LEF1: variants seen among roughly 807,000 people sequenced by gnomAD.
The protein encoded by LEF1 is lymphoid enhancer binding factor 1, also known as lymphoid enhancer-binding factor 1.
LEF1 carries 14 observed loss-of-function variants against 51.2 expected under a neutral mutation model. The ratio of observed to expected loss-of-function variants is 0.27; its 90% CI spans 0.18 to 0.43. The LOEUF is 0.43. LEF1 is among the 20% of genes least tolerant of loss of function. The pLI is 1.00. For missense variants in LEF1, 386 were observed against 512.0 expected (o/e 0.75, Z 2.37); for synonymous variants, 185 against 183.2 (o/e 1.01, Z -0.08).
In LEF1 at chr4:108,168,064, C is replaced by T. The variant is rs1377875981; in HGVS notation, c.-297G>A. 2.5e-5 allele frequency: 4 copies of T among 156,924 alleles called. No individual in the cohort carries two copies. Among genetic ancestry groups the T allele is most frequent in the Admixed American group, 6.5e-5 (1 of 15,470 alleles). The allele number at this position is 156,924 out of a possible 1,614,324, so 9.7% of individuals were successfully genotyped here. A position where few individuals can be genotyped will look rare whatever the true frequency, so the allele number is the denominator to read the frequency against. ...CGAGGGCTGCGGTAGCTGGCGACTC[C>T]GGGGGCGTCTGCGCGGCGCGCGCTA... On this transcript the variant is annotated 5_prime_UTR_variant, in exon 1 of 12. Transcript: ENST00000265165. This position sits in a 1 kb window ranked among gnomAD's most constrained non-coding sequence, Gnocchi z 4.6.
chr4:108,121,257 A>G (rs1382931389), intron 3 of LEF1, among the ~76,000 whole-genome samples: 1 of 152,232 alleles, frequency 6.6e-6, no homozygotes, highest in African/African-American at 2.4e-5. Context: ...GATTTGTGCT[A>G]AGTGATGAGC....
At chr4:108,097,920 G>A (rs775003159) in intron 3 of LEF1, among the ~76,000 whole-genome samples, 1 of 152,138 alleles carries the variant, frequency 6.6e-6, no homozygotes. Flanking sequence ...GAGAAGTCAG[G>A]AGCAAAAGCT....
rs749791729 is a variant in LEF1, at chr4:108,063,608, G to C, written c.*6+15C>G. On this transcript the variant is annotated intron_variant, in intron 11 of 11. Transcript: ENST00000265165. ...ACAACTAACGTCAGCAGTAGGACCAGAGAGTCGTTCTTACCATGTTTCAGA... is the reference window on the plus strand; with the variant it reads ...ACAACTAACGTCAGCAGTAGGACCACAGAGTCGTTCTTACCATGTTTCAGA... 4 of 1,586,990 alleles carry C rather than the reference G, an allele frequency of 2.5e-6. No homozygotes were observed. In the South Asian group the frequency reaches 3.5e-5, roughly 14 times the overall value.
chr4:108,142,586 T>C (rs1009894330), intron 3 of LEF1, among the ~76,000 whole-genome samples: 2 of 152,234 alleles, frequency 1.3e-5, no homozygotes, highest in Non-Finnish European at 2.9e-5. Context: ...GTGTAATTCA[T>C]CCATTATTAC....
At chr4:108,166,166 T>G in intron 1 of LEF1, 1 of 1,161,718 alleles carries the variant, frequency 8.6e-7, no homozygotes, top group Non-Finnish European at 1.2e-6. Flanking sequence ...CGGGGTTAGG[T>G]GCACCCTACC....
chr4:108,118,449 A>G (rs1158763619), intron 3 of LEF1, among the ~76,000 whole-genome samples: 1 of 152,238 alleles, frequency 6.6e-6, no homozygotes, highest in Non-Finnish European at 1.5e-5. Context: ...TTGTCATGCT[A>G]TAGTTAAACT....
At chr4:108,143,273 G>A (rs1377921010) in intron 3 of LEF1, among the ~76,000 whole-genome samples, 2 of 152,188 alleles carry the variant, frequency 1.3e-5, no homozygotes, top group Admixed American at 6.5e-5. Context: ...TTTTGCTTTA[G>A]AGGAAAGGGT....
At chr4:108,135,278 T>C (rs1743186154) in intron 3 of LEF1, among the ~76,000 whole-genome samples, 1 of 152,198 alleles carries the variant, frequency 6.6e-6, no homozygotes, top group Non-Finnish European at 1.5e-5. Context: ...TCTGAAGCAC[T>C]GAGTGTACTT....
At chr4:108,071,567 T>C (rs1241502901) in intron 8 of LEF1, 1 of 152,222 alleles carries the variant, frequency 6.6e-6, no homozygotes, top group Non-Finnish European at 1.5e-5. Context: ...ATATAGCACA[T>C]ATAACAAAGT....
intron 3 of LEF1, among the ~76,000 whole-genome samples, chr4:108,122,315 TC>T (rs1456624703): frequency 1.3e-5 from 2 of 152,190 alleles, no homozygotes; most frequent in Non-Finnish European, 2.9e-5. Context: ...TCTTCCTTTA[TC>T]TGTTATTATC....
intron 2 of LEF1, among the ~76,000 whole-genome samples, chr4:108,164,036 T>C (rs1403257902): frequency 6.6e-6 from 1 of 152,106 alleles, no homozygotes; most frequent in Admixed American, 6.5e-5. Flanking sequence ...ACACACAACT[T>C]TAAAAATGTA....
intron 3 of LEF1, among the ~76,000 whole-genome samples, chr4:108,101,974 C>T (rs1740854928): frequency 1.3e-5 from 2 of 151,080 alleles, no homozygotes; most frequent in Admixed American, 6.6e-5. Flanking sequence ...GCAGGAGAAT[C>T]ACTTGAACCC....
intron 3 of LEF1, among the ~76,000 whole-genome samples, chr4:108,094,266 T>C (rs1578335366): frequency 6.6e-6 from 1 of 152,334 alleles, no homozygotes; most frequent in East Asian, 1.9e-4. Flanking sequence ...TGGGTAAAGC[T>C]ACGGAGACTC....
chr4:108,051,260 T>TAA (rs879760862), intron 11 of LEF1, among the ~76,000 whole-genome samples: 1 of 144,904 alleles, frequency 6.9e-6, no homozygotes, highest in African/African-American at 2.5e-5. Flanking sequence ...GACTAGTGCT[T>TAA]AAAAAAAAAA....
At chr4:108,065,453 C>G (rs575080401) in intron 9 of LEF1, among the ~76,000 whole-genome samples, 1 of 152,210 alleles carries the variant, frequency 6.6e-6, no homozygotes, top group East Asian at 1.9e-4. Flanking sequence ...CACTGGGCCA[C>G]AGAGTGAGCC....
chr4:108,149,131 T>C (rs1744175889), intron 3 of LEF1, among the ~76,000 whole-genome samples: 1 of 152,174 alleles, frequency 6.6e-6, no homozygotes, highest in Admixed American at 6.5e-5. Flanking sequence ...AAAGTTATCT[T>C]AAATCAAGAA....
At position 108,167,927 on chromosome 4, in the gene LEF1, C is replaced by A; in HGVS notation, c.-160G>T. On this transcript the variant is annotated 5_prime_UTR_variant, in exon 1 of 12. Coordinates refer to ENST00000265165, the MANE Select transcript of LEF1 (RefSeq NM_016269.5). This position sits in a 1 kb window ranked among gnomAD's most constrained non-coding sequence, Gnocchi z 5.7. The stretch of plus-strand genomic sequence containing the variant: ...GGGCGGGCGAGCGCGGGGCCGCCGG[C>A]CGGCAGCCGGAGCAGCTGCCGCGGC... The A allele has an allele frequency of 4.6e-6, 2 of 434,652 alleles. No individual in the cohort carries two copies. Among genetic ancestry groups the A allele is most frequent in the East Asian group, 3.8e-5 (1 of 26,374 alleles). 26.9% of individuals were successfully genotyped at this position (434,652 alleles called of 1,614,324 possible). A position where few individuals can be genotyped will look rare whatever the true frequency, so the allele number is the denominator to read the frequency against.
intron 3 of LEF1, among the ~76,000 whole-genome samples, chr4:108,152,247 C>T (rs954852985): frequency 6.6e-6 from 1 of 152,114 alleles, no homozygotes; most frequent in Non-Finnish European, 1.5e-5. Context: ...TCAGCGAGAG[C>T]AAGCTATAAG....
chr4:108,164,998 G>A (rs1245718532), intron 2 of LEF1, 99 bp downstream of exon 2: 3 of 966,348 alleles, frequency 3.1e-6, no homozygotes, highest in African/African-American at 1.6e-5. Context: ...GTCTGACCTA[G>A]TCCCAGTTTC....
Sources: gnomAD v4.1 joint callset for allele counts (sites outside exome capture counted in the v4.1 genomes callset) on GRCh38, gnomAD v4.1.1 for gene constraint, Gnocchi (gnomAD v3.1) non-coding constraint, MANE v1.5 for transcripts, NCBI Gene and HGNC (gene_info 2026-07-23, HGNC 2026-07-21) for gene names.